Variants in PREX1 observed in about 807,000 individuals in gnomAD.
PREX1 encodes phosphatidylinositol 3,4,5-trisphosphate-dependent Rac exchanger 1 protein.
Under a neutral mutation model 198.3 loss-of-function variants are expected in PREX1, and 41 were observed. The observed-to-expected ratio is 0.21, with a 90% CI of 0.16 to 0.27. The LOEUF (loss-of-function observed/expected upper bound fraction) is 0.27, where lower values mean the gene tolerates loss of function less well. PREX1 is among the 10% of genes least tolerant of loss of function. The probability of loss-of-function intolerance (pLI) is 1.00; values close to 1 mark genes in which losing one functional copy is unlikely to be tolerated. For missense variants in PREX1, 1,620 were observed against 2,200.7 expected (o/e 0.74, Z 5.28); for synonymous variants, 843 against 887.2 (o/e 0.95, Z 0.89).
intron 29 of PREX1, among the ~76,000 whole-genome samples, chr20:48,641,317 G>A (rs987926752): frequency 8.5e-5 from 13 of 152,256 alleles, no homozygotes; most frequent in South Asian, 2.1e-4. Flanking sequence ...TTTCGTTGCC[G>A]TTGTTTGCAT....
intron 1 of PREX1, among the ~76,000 whole-genome samples, chr20:48,794,756 G>A (rs368559496): frequency 5.9e-5 from 9 of 152,332 alleles, no homozygotes; most frequent in South Asian, 4.1e-4. Context: ...CAGTCCTCGG[G>A]GACTGGGCCT....
intron 5 of PREX1, among the ~76,000 whole-genome samples, chr20:48,720,851 G>A (rs959542503): frequency 2.0e-5 from 3 of 152,102 alleles, no homozygotes; most frequent in South Asian, 2.1e-4. Flanking sequence ...AGGTCCTTGC[G>A]CTGCACTTGG....
intron 2 of PREX1, 89 bp downstream of exon 2, chr20:48,747,720 C>T: frequency 7.2e-7 from 1 of 1,389,208 alleles, no homozygotes; most frequent in Non-Finnish European, 1.0e-6. Context: ...CCTCCCCCTG[C>T]ATGCACACCC....
In PREX1 at chr20:48,633,740, C is replaced by T. The variant is rs143572486; in HGVS notation, c.4267+936G>A. On this transcript the variant is annotated intron_variant, in intron 33 of 39. Transcript: ENST00000371941. ...AGCCCTGGCTGCACATCCAGACTAC[C>T]CAGCACCCAGACCCCACCCCACAAA... Among the ~76,000 whole-genome samples the T allele has an allele frequency of 2.1e-3, 327 of 152,124 alleles. 1 individual carries two copies. The highest frequency in any genetic ancestry group is 7.2e-3 in the African/African-American group (297 of 41,484).
At chr20:48,719,936 G>A (rs2089978200) in intron 5 of PREX1, among the ~76,000 whole-genome samples, 1 of 152,016 alleles carries the variant, frequency 6.6e-6, no homozygotes, top group Non-Finnish European at 1.5e-5. Flanking sequence ...AAGACCCCAC[G>A]ATGGCCCACA....
In PREX1 at chr20:48,673,125, G is replaced by A. The variant is rs551599882; in HGVS notation, c.1665+3068C>T. Among the ~76,000 whole-genome samples, 53 of 152,256 alleles carry A rather than the reference G, an allele frequency of 3.5e-4. 1 individual carries two copies. In the South Asian group the frequency reaches 8.9e-3, roughly 26 times the overall value. On this transcript the variant is annotated intron_variant, in intron 14 of 39. Transcript: ENST00000371941. ...TGTTACCCAAAAGCTGACAAGGAGCGGACTCTGCAGTGGGGGCTGCCTGAG... is the reference window on the plus strand; with the variant it reads ...TGTTACCCAAAAGCTGACAAGGAGCAGACTCTGCAGTGGGGGCTGCCTGAG...
At chr20:48,686,647 G>GCTGCCCCGCCCCGC (rs1487020265) in intron 10 of PREX1, among the ~76,000 whole-genome samples, 3 of 152,162 alleles carry the variant, frequency 2.0e-5, no homozygotes, top group Non-Finnish European at 4.4e-5. Context: ...GGCCAGCCAG[G>GCTGCCCCGCCCCGC]CTGCCCCGCC....
chr20:48,746,997 CA>C lies in PREX1; in HGVS notation c.291+811del, dbSNP rs1568848692. 1.6e-3 allele frequency among the ~76,000 whole-genome samples: 174 copies of C among 109,876 alleles called. 3 individuals are homozygous for C. The highest frequency in any genetic ancestry group is 0.012 in the East Asian group (50 of 4,300). 72.1% of individuals were successfully genotyped at this position (109,876 alleles called of 152,430 possible). A position where few individuals can be genotyped will look rare whatever the true frequency, so the allele number is the denominator to read the frequency against. ...ACACACACACACACACACACACACACACACACACACACACCCCACCCCCAGG... is the reference window on the plus strand; with the variant it reads ...ACACACACACACACACACACACACACCACACACACACACCCCACCCCCAGG... On this transcript the variant is annotated intron_variant, in intron 2 of 39. Transcript: ENST00000371941.
intron 1 of PREX1, among the ~76,000 whole-genome samples, chr20:48,750,092 T>A (rs1366518347): frequency 6.6e-6 from 1 of 152,120 alleles, no homozygotes; most frequent in Non-Finnish European, 1.5e-5. Flanking sequence ...GGCACCTCTG[T>A]CTTTCAAGGG....
intron 11 of PREX1, among the ~76,000 whole-genome samples, chr20:48,680,306 C>T (rs986500467): frequency 6.6e-6 from 1 of 152,188 alleles, no homozygotes; most frequent in Non-Finnish European, 1.5e-5. Flanking sequence ...TGGACTATCA[C>T]AGCAGCCTCT....
chr20:48,788,464 T>C (rs2090323044), intron 1 of PREX1, among the ~76,000 whole-genome samples: 1 of 152,160 alleles, frequency 6.6e-6, no homozygotes, highest in Non-Finnish European at 1.5e-5. Context: ...TCCCTCATTT[T>C]ACCGTAAAGT....
chr20:48,850,147 G>T, the PREX1 span, among the ~76,000 whole-genome samples: 1 of 152,204 alleles, frequency 6.6e-6, no homozygotes, highest in Admixed American at 6.5e-5. Context: ...CAACCAAAGG[G>T]TGTTTGCCTC....
At chr20:48,637,887 C>T in intron 30 of PREX1, 135 bp from the exon 31 acceptor site, 1 of 717,044 alleles carries the variant, frequency 1.4e-6, no homozygotes, top group Non-Finnish European at 2.3e-6. Flanking sequence ...GCACCCAAGG[C>T]TGTGCTCAAG....
intron 5 of PREX1, among the ~76,000 whole-genome samples, chr20:48,712,428 CTA>C (rs1366179251): frequency 6.6e-6 from 1 of 152,152 alleles, no homozygotes; most frequent in Non-Finnish European, 1.5e-5. Flanking sequence ...ATTCTTGAAG[CTA>C]AAACCTGATG....
intron 5 of PREX1, among the ~76,000 whole-genome samples, chr20:48,718,790 A>G (rs144452769): frequency 4.7e-4 from 71 of 152,366 alleles, no homozygotes; most frequent in African/African-American, 1.5e-3. Flanking sequence ...AATATTAAGC[A>G]CATCTCAGCA....
chr20:48,814,443 A>G (rs748494603), intron 1 of PREX1, among the ~76,000 whole-genome samples: 4 of 152,218 alleles, frequency 2.6e-5, no homozygotes, highest in Non-Finnish European at 5.9e-5. Flanking sequence ...TTGAGCTGAG[A>G]GCTGAAAGAG....
intron 2 of PREX1, 64 bp from the exon 3 acceptor site, chr20:48,745,211 T>C (rs905517657): frequency 1.7e-5 from 26 of 1,523,858 alleles, no homozygotes; most frequent in Non-Finnish European, 2.3e-5. Context: ...AGCCAAGCAC[T>C]GAAAAAATAC....
rs1035472007 is a variant in PREX1, at chr20:48,659,824, G to A, written c.1881+95C>T. 5.8e-6 allele frequency: 9 copies of A among 1,546,172 alleles called. No homozygotes were observed. In the African/African-American group the frequency reaches 6.8e-5, roughly 12 times the overall value. On this transcript the variant is annotated intron_variant, in intron 16 of 39. Coordinates refer to ENST00000371941, the MANE Select transcript of PREX1 (RefSeq NM_020820.4). ...CACCTATTCTGGTACTCCAAGCTGA[G>A]CCCCCTTCCCTGTGCATAACCAGAA...
At chr20:48,665,783 C>T (rs2089635342) in intron 15 of PREX1, among the ~76,000 whole-genome samples, 2 of 152,190 alleles carry the variant, frequency 1.3e-5, no homozygotes, top group Non-Finnish European at 2.9e-5. Context: ...TCAGGAACAT[C>T]TCAGAACTCA....
Sources: allele counts gnomAD v4.1 joint callset (sites outside exome capture counted in the v4.1 genomes callset), GRCh38; gene constraint gnomAD v4.1.1; transcripts MANE v1.5; gene names NCBI Gene and HGNC (gene_info 2026-07-23, HGNC 2026-07-21).